Variants in FRMD4B observed in about 807,000 individuals in gnomAD.
The protein encoded by FRMD4B is FERM domain-containing protein 4B.
Under a neutral mutation model 141.5 loss-of-function variants are expected in FRMD4B, and 74 were observed. The observed-to-expected ratio is 0.52, with a 90% CI of 0.43 to 0.63. The LOEUF (loss-of-function observed/expected upper bound fraction) is 0.63, where lower values mean the gene tolerates loss of function less well. Among genes scored for constraint, FRMD4B ranks in the 30% least tolerant of loss-of-function variants. The pLI is 0.00. For missense variants in FRMD4B, 1,366 were observed against 1,253.4 expected (o/e 1.09, Z -1.36); for synonymous variants, 506 against 467.9 (o/e 1.08, Z -1.05).
chr3:69,277,925 G>A (rs1046710805), intron 5 of FRMD4B, among the ~76,000 whole-genome samples: 3 of 150,244 alleles, frequency 2.0e-5, no homozygotes, highest in Non-Finnish European at 4.4e-5. Flanking sequence ...GCCCGATCTC[G>A]GCTCACTACA....
rs1312217716 is a variant in FRMD4B, at chr3:69,385,951, C to G, written c.39G>C (p.Leu13=). 6.2e-7 allele frequency: 1 copy of G among 1,605,336 alleles called. No individual in the cohort carries two copies. Among genetic ancestry groups the G allele is most frequent in the Non-Finnish European group, 8.5e-7 (1 of 1,176,330 alleles). The part of the protein sequence containing the change: ...SVFMCGVEDL[L]FSGSRFVWNL... Reference sequence around the variant, plus strand: ...TCCATACGAAGCGGCTGCCGCTGAACAGCAGGTCCTCCACGCCACACATGA... The same window carrying G: ...TCCATACGAAGCGGCTGCCGCTGAAGAGCAGGTCCTCCACGCCACACATGA... Residue 13 remains leucine, a synonymous_variant, in exon 1 of 23, where the codon CTG becomes CTC. Coordinates refer to ENST00000398540, the MANE Select transcript of FRMD4B (RefSeq NM_015123.3).
At chr3:69,440,238 CTG>C (rs1415215225) in intron 1 of FRMD4B, among the ~76,000 whole-genome samples, 1 of 152,118 alleles carries the variant, frequency 6.6e-6, no homozygotes, top group African/African-American at 2.4e-5. Context: ...CTTGTACAAA[CTG>C]TTATGTAAGA....
At position 69,195,011 on chromosome 3, in the gene FRMD4B, G is replaced by A. The variant is rs9853587; in HGVS notation, c.1488+11C>T. ...ATGATTAATTGAAAGGCTCAGAGGC[G>A]TTGTTCATACTTCTTCACTCGGCAG... On this transcript the variant is annotated intron_variant, in intron 16 of 22. Transcript: ENST00000398540. 0.94 allele frequency: 1,516,551 copies of A among 1,611,344 alleles called. 727,017 individuals are homozygous for A. The highest frequency in any genetic ancestry group is 0.99 in the Non-Finnish European group (1,168,993 of 1,178,444).
chr3:69,263,204 C>G (rs1456484413), intron 5 of FRMD4B, among the ~76,000 whole-genome samples: 2 of 151,990 alleles, frequency 1.3e-5, no homozygotes, highest in African/African-American at 4.8e-5. Flanking sequence ...TTGCAGTGAG[C>G]CGAGTTTGTG....
At chr3:69,471,486 T>A (rs1705891180) in intron 1 of FRMD4B, 2 of 260,488 alleles carry the variant, frequency 7.7e-6, no homozygotes, top group South Asian at 1.5e-4. Flanking sequence ...TGACCCCTTT[T>A]AAAAATAGGT....
chr3:69,522,922 CA>C (rs1700874174), intron 1 of FRMD4B, among the ~76,000 whole-genome samples: 1 of 152,070 alleles, frequency 6.6e-6, no homozygotes. Context: ...CTTATTAATT[CA>C]ACAGAGATAA....
At chr3:69,232,914 G>GTTT (rs58551547) in intron 7 of FRMD4B, among the ~76,000 whole-genome samples, 1 of 128,806 alleles carries the variant, frequency 7.8e-6, no homozygotes, top group Non-Finnish European at 1.6e-5. Flanking sequence ...TTTGTTGTTT[G>GTTT]TTTTTTTTTT....
At chr3:69,396,111 C>T (rs1482608659) in intron 2 of FRMD4B, among the ~76,000 whole-genome samples, 2 of 152,140 alleles carry the variant, frequency 1.3e-5, no homozygotes, top group African/African-American at 4.8e-5. Flanking sequence ...CTTATTTTGC[C>T]AGTGTCCTTT....
intron 19 of FRMD4B, among the ~76,000 whole-genome samples, chr3:69,187,461 C>T (rs984029609): frequency 1.1e-4 from 17 of 150,638 alleles, no homozygotes; most frequent in African/African-American, 3.9e-4. Context: ...ATTGCTTGAA[C>T]CCAGGAGGCG....
chr3:69,496,613 G>A lies in FRMD4B; in HGVS notation c.-129+45593C>T, dbSNP rs955288121. Among the ~76,000 whole-genome samples, 2 of 87,660 alleles carry A rather than the reference G, an allele frequency of 2.3e-5. 1 individual carries two copies. Among genetic ancestry groups the A allele is most frequent in the Admixed American group, 2.3e-4 (2 of 8,840 alleles). The allele number at this position is 87,660 out of a possible 152,430, so 57.5% of individuals were successfully genotyped here. A position where few individuals can be genotyped will look rare whatever the true frequency, so the allele number is the denominator to read the frequency against. On this transcript the variant is annotated intron_variant, in intron 1 of 5. Coordinates refer to the FRMD4B transcript ENST00000459638. The stretch of plus-strand genomic sequence containing the variant: ...AGGTGAAAGATGAAAGAGAGAGAGT[G>A]AGAGAGAGAGAGAGAGAGAGAGAAA...
chr3:69,381,655 T>C (rs1704123422), intron 1 of FRMD4B, among the ~76,000 whole-genome samples: 1 of 152,228 alleles, frequency 6.6e-6, no homozygotes, highest in Non-Finnish European at 1.5e-5. Context: ...TTCACAATTA[T>C]GGGATAGCAA....
intron 4 of FRMD4B, among the ~76,000 whole-genome samples, chr3:69,291,095 T>C (rs1700857539): frequency 6.6e-6 from 1 of 152,236 alleles, no homozygotes. Flanking sequence ...TTGATTAACC[T>C]ATGAAACACC....
intron 1 of FRMD4B, among the ~76,000 whole-genome samples, chr3:69,434,407 A>G (rs1249900745): frequency 6.6e-6 from 1 of 152,222 alleles, no homozygotes; most frequent in Admixed American, 6.5e-5. Context: ...AGTCAGGGAA[A>G]TAGATACCTT....
At chr3:69,276,314 C>T (rs1238810523) in intron 5 of FRMD4B, among the ~76,000 whole-genome samples, 1 of 152,118 alleles carries the variant, frequency 6.6e-6, no homozygotes, top group Non-Finnish European at 1.5e-5. Flanking sequence ...ACTCTGTCGC[C>T]CAGGCTGGAG....
At chr3:69,532,089 T>C (rs1701016641) in intron 1 of FRMD4B, among the ~76,000 whole-genome samples, 1 of 152,230 alleles carries the variant, frequency 6.6e-6, no homozygotes, top group South Asian at 2.1e-4. Flanking sequence ...GTGTTCCCAG[T>C]CTAAGGGCAC....
chr3:69,194,230 C>A (rs1225178887), intron 16 of FRMD4B, among the ~76,000 whole-genome samples: 1 of 152,212 alleles, frequency 6.6e-6, no homozygotes, highest in African/African-American at 2.4e-5. Context: ...TGGGTTTGAT[C>A]TTCTTCCTGG....
At chr3:69,204,389 A>G (rs2107682054) in intron 11 of FRMD4B, among the ~76,000 whole-genome samples, 1 of 152,314 alleles carries the variant, frequency 6.6e-6, no homozygotes, top group South Asian at 2.1e-4. Flanking sequence ...ATGGCAACTC[A>G]TAGTACCTAT....
intron 1 of FRMD4B, chr3:69,353,466 A>G (rs975029943): frequency 1.9e-6 from 1 of 534,162 alleles, no homozygotes; most frequent in South Asian, 7.9e-5. Flanking sequence ...AGATTTTGCT[A>G]TGAAATGCCA....
intron 1 of FRMD4B, among the ~76,000 whole-genome samples, chr3:69,357,318 G>T (rs2008239): frequency 6.6e-6 from 1 of 152,098 alleles, no homozygotes; most frequent in Admixed American, 6.5e-5. Context: ...GCCTTCTGCC[G>T]TGCAGCCAGA....
Sources: gnomAD v4.1 joint callset for allele counts (sites outside exome capture counted in the v4.1 genomes callset) on GRCh38, gnomAD v4.1.1 for gene constraint, MANE v1.5 for transcripts, NCBI Gene and HGNC (gene_info 2026-07-23, HGNC 2026-07-21) for gene names.